The following PTPRQ variants were observed in gnomAD, a reference collection of about 807,000 sequenced individuals.
The protein encoded by PTPRQ is protein tyrosine phosphatase receptor type Q.
PTPRQ carries 199 observed loss-of-function variants against 246.0 expected under a neutral mutation model. The ratio of observed to expected loss-of-function variants is 0.81; its 90% CI spans 0.72 to 0.91. PTPRQ has a LOEUF of 0.91. Among genes scored for constraint, PTPRQ ranks in the 40% least tolerant of loss-of-function variants. The probability of loss-of-function intolerance (pLI) is 0.00; values close to 1 mark genes in which losing one functional copy is unlikely to be tolerated. For missense variants in PTPRQ, 2,624 were observed against 2,528.4 expected (o/e 1.04, Z -0.81); for synonymous variants, 869 against 853.2 (o/e 1.02, Z -0.32).
intron 25 of PTPRQ, among the ~76,000 whole-genome samples, chr12:80,556,717 G>A (rs7299232): frequency 0.067 from 10,139 of 152,144 alleles, 642 homozygotes; most frequent in African/African-American, 0.16. Flanking sequence ...AGCACTCATG[G>A]TAAGCTGCCC....
At chr12:80,453,137 C>G (rs1055773956) in intron 3 of PTPRQ, among the ~76,000 whole-genome samples, 3 of 152,144 alleles carry the variant, frequency 2.0e-5, no homozygotes, top group Non-Finnish European at 4.4e-5. Context: ...CACTGATACC[C>G]TTTCTTCCAG....
At chr12:80,628,829 G>A (rs547669561) in intron 33 of PTPRQ, among the ~76,000 whole-genome samples, 1 of 152,258 alleles carries the variant, frequency 6.6e-6, no homozygotes, top group African/African-American at 2.4e-5. Context: ...AGAACAGAGG[G>A]AAGAAGGAGG....
At chr12:80,601,098 A>G (rs568925561) in intron 26 of PTPRQ, among the ~76,000 whole-genome samples, 3 of 151,982 alleles carry the variant, frequency 2.0e-5, no homozygotes, top group East Asian at 3.9e-4. Context: ...TGAGCTGACC[A>G]CTATATTTAA....
intron 17 of PTPRQ, among the ~76,000 whole-genome samples, chr12:80,516,110 G>A (rs1895292030): frequency 6.6e-6 from 1 of 152,040 alleles, no homozygotes; most frequent in African/African-American, 2.4e-5. Flanking sequence ...TTAAATAAAT[G>A]GATTTCTATT....
intron 26 of PTPRQ, among the ~76,000 whole-genome samples, chr12:80,604,669 C>G (rs1170179482): frequency 6.6e-6 from 1 of 151,506 alleles, no homozygotes. Context: ...TTCTCTATCT[C>G]TCTGTAGTCA....
intron 27 of PTPRQ, among the ~76,000 whole-genome samples, chr12:80,608,822 G>T (rs555870884): frequency 6.6e-6 from 1 of 150,544 alleles, no homozygotes; most frequent in African/African-American, 2.4e-5. Context: ...TGGGACCCAG[G>T]CCCCTTTACA....
At chr12:80,558,122 T>TC (rs553192107) in intron 25 of PTPRQ, among the ~76,000 whole-genome samples, 1 of 81,464 alleles carries the variant, frequency 1.2e-5, no homozygotes, top group African/African-American at 5.8e-5. Context: ...TTTCTTTCTT[T>TC]CTTTTCTTTT....
chr12:80,677,768 T>C (rs1901193075), intron 43 of PTPRQ, among the ~76,000 whole-genome samples: 1 of 152,228 alleles, frequency 6.6e-6, no homozygotes, highest in Non-Finnish European at 1.5e-5. Context: ...CCTCTGAGGC[T>C]GATCACTTTT....
chr12:80,504,401 T>G (rs1894892696), intron 14 of PTPRQ, among the ~76,000 whole-genome samples: 1 of 151,874 alleles, frequency 6.6e-6, no homozygotes, highest in South Asian at 2.1e-4. Flanking sequence ...TTTAAATAAT[T>G]ATTTGCTCAT....
chr12:80,455,710 C>A (rs1592524374), intron 3 of PTPRQ, among the ~76,000 whole-genome samples: 1 of 151,988 alleles, frequency 6.6e-6, no homozygotes, highest in East Asian at 1.9e-4. Context: ...CCTGCCTCAG[C>A]CTCCCAAATA....
chr12:80,541,086 A>T (rs771004441), intron 20 of PTPRQ, among the ~76,000 whole-genome samples: 15 of 152,098 alleles, frequency 9.9e-5, no homozygotes, highest in Non-Finnish European at 2.2e-4. Context: ...GAAAGCTTTT[A>T]GTATTGATTC....
chr12:80,606,106 A>T (rs1394214436), intron 27 of PTPRQ, among the ~76,000 whole-genome samples: 1 of 151,132 alleles, frequency 6.6e-6, no homozygotes, highest in Non-Finnish European at 1.5e-5. Flanking sequence ...ACAGAAGATT[A>T]TGAGGAGGAA....
At chr12:80,554,280 T>C (rs1392283175) in intron 25 of PTPRQ, among the ~76,000 whole-genome samples, 1 of 152,192 alleles carries the variant, frequency 6.6e-6, no homozygotes, top group Non-Finnish European at 1.5e-5. Context: ...TACCCTGATG[T>C]GATTATTATA....
At chr12:80,573,125 A>G (rs1592671084) in intron 25 of PTPRQ, among the ~76,000 whole-genome samples, 1 of 152,290 alleles carries the variant, frequency 6.6e-6, no homozygotes, top group East Asian at 1.9e-4. Context: ...GGAGTTTTCT[A>G]TTGTGGCAGA....
chr12:80,467,252 A>C (rs540972739), intron 6 of PTPRQ, among the ~76,000 whole-genome samples: 1 of 152,192 alleles, frequency 6.6e-6, no homozygotes, highest in Non-Finnish European at 1.5e-5. Context: ...AAACACATGA[A>C]AAGATGCTCA....
In PTPRQ at chr12:80,494,851, A is replaced by G. The variant is rs937449465; in HGVS notation, c.1541-82A>G. On this transcript the variant is annotated intron_variant, in intron 10 of 44. Transcript: ENST00000644991. Reference sequence around the variant, plus strand: ...TGAATACGGAGAAATCAGGTTTAAGATTTTATAGTCTAAGAAAAAAATAAT... The same window carrying G: ...TGAATACGGAGAAATCAGGTTTAAGGTTTTATAGTCTAAGAAAAAAATAAT... The G allele has an allele frequency of 7.2e-5, 103 of 1,421,320 alleles. 1 individual carries two copies. In the African/African-American group the frequency reaches 1.4e-3, roughly 20 times the overall value. 88.0% of individuals were successfully genotyped at this position (1,421,320 alleles called of 1,614,324 possible).
intron 26 of PTPRQ, among the ~76,000 whole-genome samples, chr12:80,601,334 T>C (rs1416148725): frequency 6.6e-6 from 1 of 151,858 alleles, no homozygotes; most frequent in Non-Finnish European, 1.5e-5. Context: ...GTGCCTGGCA[T>C]GCCATAGGTG....
chr12:80,577,414 T>C (rs764396170), intron 25 of PTPRQ, among the ~76,000 whole-genome samples: 3 of 152,162 alleles, frequency 2.0e-5, no homozygotes, highest in Non-Finnish European at 4.4e-5. Flanking sequence ...CTCACTATCA[T>C]GAGAACAGGA....
At chr12:80,586,792 C>T (rs1395295647) in intron 25 of PTPRQ, 2 of 152,110 alleles carry the variant, frequency 1.3e-5, no homozygotes, top group African/African-American at 2.4e-5. Context: ...TGTGTCTGTA[C>T]CCCACATGCC....
Sources: gnomAD v4.1 joint callset for allele counts (sites outside exome capture counted in the v4.1 genomes callset) on GRCh38, gnomAD v4.1.1 for gene constraint, MANE v1.5 for transcripts, NCBI Gene and HGNC (gene_info 2026-07-23, HGNC 2026-07-21) for gene names.